Variants in LRRC4C observed in about 807,000 individuals in gnomAD.
LRRC4C encodes the protein leucine rich repeat containing 4C.
Under a neutral mutation model 33.6 loss-of-function variants are expected in LRRC4C, and 5 were observed. The ratio of observed to expected loss-of-function variants is 0.15; its 90% CI spans 0.08 to 0.31. The LOEUF (loss-of-function observed/expected upper bound fraction) is 0.31. LRRC4C is among the 10% of genes least tolerant of loss of function. LRRC4C has a pLI of 1.00. For synonymous variants in LRRC4C, 329 were observed against 302.0 expected, an observed-to-expected ratio of 1.09 and a Z score of -0.93; for missense variants, 560 against 796.7, an observed-to-expected ratio of 0.70 and a Z score of 3.58.
intron 6 of LRRC4C, among the ~76,000 whole-genome samples, chr11:40,132,349 C>T (rs1252051073): frequency 6.6e-5 from 10 of 152,150 alleles, no homozygotes; most frequent in African/African-American, 2.2e-4. Context: ...GTAGTCTACC[C>T]TGGTAACAGC....
intron 2 of LRRC4C, among the ~76,000 whole-genome samples, chr11:40,726,270 C>T (rs1467409479): frequency 6.6e-6 from 1 of 151,550 alleles, no homozygotes; most frequent in African/African-American, 2.4e-5. Flanking sequence ...CCAGAAAAAT[C>T]AAGGAGGATG....
intron 3 of LRRC4C, among the ~76,000 whole-genome samples, chr11:40,377,339 G>T (rs757165819): frequency 3.9e-5 from 6 of 152,130 alleles, no homozygotes; most frequent in Non-Finnish European, 8.8e-5. Context: ...ATACTATATA[G>T]TGTACATCCT....
Position 41,431,504 on chromosome 11 carries a change from G to T in LRRC4C, c.-496+27927C>A, listed in dbSNP as rs182828050. Among the ~76,000 whole-genome samples the T allele has an allele frequency of 2.7e-4, 41 of 151,912 alleles. No homozygotes were observed. In the East Asian group the frequency reaches 7.6e-3, roughly 28 times the overall value. On this transcript the variant is annotated intron_variant, in intron 1 of 6. Transcript: ENST00000528697. ...GAGCTCTGGACAATTTTCCCCCTTG[G>T]TCATCATATTTTATTTTGAAAAATA...
intron 1 of LRRC4C, among the ~76,000 whole-genome samples, chr11:41,264,258 A>G (rs147128894): frequency 5.3e-5 from 8 of 151,954 alleles, no homozygotes; most frequent in African/African-American, 1.7e-4. Flanking sequence ...CGTCCAGCTA[A>G]TTTTTGTATT....
At chr11:40,812,489 T>C (rs914768290) in intron 2 of LRRC4C, among the ~76,000 whole-genome samples, 3 of 152,180 alleles carry the variant, frequency 2.0e-5, no homozygotes, top group African/African-American at 7.2e-5. Context: ...TGGCCCTCAA[T>C]GTAACCATTG....
chr11:40,760,315 G>A (rs982607017), intron 2 of LRRC4C, among the ~76,000 whole-genome samples: 7 of 151,052 alleles, frequency 4.6e-5, no homozygotes, highest in African/African-American at 9.7e-5. Flanking sequence ...ATTGTCTATC[G>A]CTGCTGCTCT....
At chr11:41,003,762 G>A (rs546103928) in intron 1 of LRRC4C, among the ~76,000 whole-genome samples, 12 of 152,012 alleles carry the variant, frequency 7.9e-5, no homozygotes, top group Non-Finnish European at 1.2e-4. Context: ...ACAATTTGCA[G>A]TGCCCTTGGC....
chr11:41,458,812 A>T (rs1956248197), intron 1 of LRRC4C, among the ~76,000 whole-genome samples: 1 of 152,150 alleles, frequency 6.6e-6, no homozygotes, highest in South Asian at 2.1e-4. Flanking sequence ...TAGCGAGAGA[A>T]TCAGTGCAAA....
intron 6 of LRRC4C, among the ~76,000 whole-genome samples, chr11:40,136,687 T>C (rs1210699978): frequency 6.6e-6 from 1 of 152,182 alleles, no homozygotes; most frequent in Non-Finnish European, 1.5e-5. Context: ...AACTTTATTC[T>C]AAGAACAAGT....
At chr11:40,729,054 G>T (rs1016876992) in intron 2 of LRRC4C, among the ~76,000 whole-genome samples, 1 of 151,992 alleles carries the variant, frequency 6.6e-6, no homozygotes, top group African/African-American at 2.4e-5. Flanking sequence ...TGGGTGACAG[G>T]ATCAATAGAA....
At chr11:40,663,203 C>G (rs1246585234) in intron 2 of LRRC4C, among the ~76,000 whole-genome samples, 1 of 152,164 alleles carries the variant, frequency 6.6e-6, no homozygotes, top group Admixed American at 6.5e-5. Context: ...CCCTCAGCCT[C>G]CTGAGTAGCT....
chr11:41,160,800 C>T (rs1327709008), intron 1 of LRRC4C, among the ~76,000 whole-genome samples: 2 of 152,074 alleles, frequency 1.3e-5, no homozygotes, highest in African/African-American at 4.8e-5. Flanking sequence ...GTACATATTG[C>T]TATGAAAACC....
At chr11:40,490,278 T>C (rs962783123) in intron 3 of LRRC4C, among the ~76,000 whole-genome samples, 5 of 152,168 alleles carry the variant, frequency 3.3e-5, no homozygotes. Flanking sequence ...ATCTTTTAGT[T>C]ATTATTAGAT....
chr11:40,543,669 T>A (rs1956808872), intron 3 of LRRC4C, among the ~76,000 whole-genome samples: 1 of 152,058 alleles, frequency 6.6e-6, no homozygotes, highest in Non-Finnish European at 1.5e-5. Context: ...CGGGAGTCCA[T>A]GTTCATATTA....
At chr11:40,296,484 C>A (rs933197609) in intron 4 of LRRC4C, among the ~76,000 whole-genome samples, 18 of 152,266 alleles carry the variant, frequency 1.2e-4, no homozygotes, top group African/African-American at 4.3e-4. Flanking sequence ...CTACTCAATG[C>A]CAGTTCTTCC....
intron 2 of LRRC4C, among the ~76,000 whole-genome samples, chr11:40,771,195 C>A (rs1949741654): frequency 6.6e-6 from 1 of 152,186 alleles, no homozygotes; most frequent in Non-Finnish European, 1.5e-5. Context: ...CAGAAGTTCC[C>A]AAACCTCAAT....
intron 3 of LRRC4C, among the ~76,000 whole-genome samples, chr11:40,495,835 T>TTTTTG (rs1268742586): frequency 4.1e-5 from 3 of 72,356 alleles, no homozygotes; most frequent in African/African-American, 1.5e-4. Context: ...TTTTTTTTTT[T>TTTTTG]TTTTTTTTTT....
chr11:40,412,920 A>C (rs1183943272), intron 3 of LRRC4C, among the ~76,000 whole-genome samples: 1 of 152,142 alleles, frequency 6.6e-6, no homozygotes, highest in Non-Finnish European at 1.5e-5. Context: ...ATTATTAGCT[A>C]TCATTGTTAT....
chr11:40,753,062 T>A (rs1228849744), intron 2 of LRRC4C, among the ~76,000 whole-genome samples: 9 of 152,062 alleles, frequency 5.9e-5, no homozygotes, highest in Non-Finnish European at 1.0e-4. Flanking sequence ...AATTTTATTT[T>A]ATTTTATTTT....
Sources: allele counts gnomAD v4.1 joint callset (sites outside exome capture counted in the v4.1 genomes callset), GRCh38; gene constraint gnomAD v4.1.1; transcripts MANE v1.5; gene names NCBI Gene and HGNC (gene_info 2026-07-23, HGNC 2026-07-21).